Variants in RGS22 observed in about 807,000 individuals in gnomAD.
The protein encoded by RGS22 is regulator of G-protein signaling 22.
Under a neutral mutation model 172.9 loss-of-function variants are expected in RGS22, and 148 were observed. The ratio of observed to expected loss-of-function variants is 0.86; its 90% CI spans 0.75 to 0.98. The LOEUF (loss-of-function observed/expected upper bound fraction) is 0.98. Ranked by LOEUF, RGS22 falls within the 50% of genes least tolerant of loss-of-function variation. The pLI is 0.00. For synonymous variants in RGS22, 458 were observed against 480.2 expected, an observed-to-expected ratio of 0.95 and a Z score of 0.60; for missense variants, 1,347 against 1,440.8, an observed-to-expected ratio of 0.93 and a Z score of 1.05.
At chr8:100,013,079 T>G (rs1816580900) in intron 14 of RGS22, among the ~76,000 whole-genome samples, 3 of 146,150 alleles carry the variant, frequency 2.1e-5, no homozygotes, top group African/African-American at 7.6e-5. Context: ...AAGCTCCGCC[T>G]CTTGGGTTCA....
chr8:100,098,531 T>C (rs1318034306), intron 2 of RGS22, among the ~76,000 whole-genome samples: 1 of 152,178 alleles, frequency 6.6e-6, no homozygotes, highest in East Asian at 1.9e-4. Flanking sequence ...TATATTTTCT[T>C]AGAAACAAAG....
intron 2 of RGS22, among the ~76,000 whole-genome samples, chr8:100,103,072 C>A (rs905936433): frequency 8.5e-5 from 13 of 152,136 alleles, no homozygotes; most frequent in South Asian, 4.2e-4. Flanking sequence ...AATAAAAGCT[C>A]TGAGCAAGCC....
chr8:100,056,641 C>G (rs184864926), intron 9 of RGS22, among the ~76,000 whole-genome samples: 31 of 152,222 alleles, frequency 2.0e-4, no homozygotes, highest in African/African-American at 7.2e-4. Context: ...GGTGCAAGTC[C>G]CTCTGAAGCC....
intron 14 of RGS22, among the ~76,000 whole-genome samples, chr8:100,025,323 C>T (rs914151136): frequency 2.0e-5 from 3 of 152,182 alleles, no homozygotes; most frequent in Admixed American, 6.5e-5. Context: ...GTAACAAAAA[C>T]AAATAATGTA....
intron 14 of RGS22, 75 bp from the exon 15 acceptor site, chr8:100,008,644 A>AT: frequency 1.7e-6 from 2 of 1,164,314 alleles, no homozygotes; most frequent in South Asian, 3.3e-5. Flanking sequence ...CAACATAGGC[A>AT]TTTTTTAAAA....
At chr8:100,030,041 GA>G (rs2131529231) in intron 14 of RGS22, among the ~76,000 whole-genome samples, 1 of 152,288 alleles carries the variant, frequency 6.6e-6, no homozygotes, top group African/African-American at 2.4e-5. Flanking sequence ...TTCAAAGGTG[GA>G]AAAACCTGAA....
chr8:99,987,060 C>A (rs551049452), intron 21 of RGS22, among the ~76,000 whole-genome samples: 21 of 152,156 alleles, frequency 1.4e-4, no homozygotes, highest in African/African-American at 4.1e-4. Context: ...ATTTTGGATT[C>A]TTTTTTGGTT....
chr8:100,093,447 T>C lies in RGS22; in HGVS notation c.117A>G (p.Pro39=). The change falls in exon 3 of 28, where the codon CCA becomes CCG. Residue 39 remains proline (P), a splice_region_variant and synonymous_variant. Transcript: ENST00000360863. ...CAATAGATCATAATAATAAACTCAC[T>C]GGAAGGCTTAGGAATTCATTAAAGT... is the stretch of plus-strand genomic sequence containing the variant. ...VDYFNEFLSL[P]TFSEAIRFNA... 6.4e-7 allele frequency: 1 copy of C among 1,560,474 alleles called. No homozygotes were observed. The highest frequency in any genetic ancestry group is 8.8e-7 in the Non-Finnish European group (1 of 1,138,182).
intron 10 of RGS22, among the ~76,000 whole-genome samples, chr8:100,050,074 G>C (rs975940156): frequency 6.7e-6 from 1 of 148,190 alleles, no homozygotes; most frequent in Non-Finnish European, 1.5e-5. Context: ...AGGAAAAAAA[G>C]AAAAGCAAAT....
chr8:100,001,202 T>TTATATATATATATATACACA (rs1554611097), intron 18 of RGS22, among the ~76,000 whole-genome samples: 28 of 124,778 alleles, frequency 2.2e-4, no homozygotes, highest in Non-Finnish European at 3.7e-4. Context: ...TCCCAATTTT[T>TTATATATATATATATACACA]TATATATATA....
At chr8:100,050,253 T>C (rs931429899) in intron 10 of RGS22, among the ~76,000 whole-genome samples, 1 of 152,124 alleles carries the variant, frequency 6.6e-6, no homozygotes, top group Non-Finnish European at 1.5e-5. Context: ...TCTTAATAAG[T>C]TGCAGGTTCT....
chr8:100,069,138 A>T (rs1051284370), intron 6 of RGS22, among the ~76,000 whole-genome samples: 6 of 152,234 alleles, frequency 3.9e-5, no homozygotes, highest in Non-Finnish European at 8.8e-5. Flanking sequence ...AAGTTCAAGT[A>T]ACCTTAGCCT....
intron 5 of RGS22, among the ~76,000 whole-genome samples, chr8:100,071,823 C>T (rs185161576): frequency 9.4e-4 from 143 of 152,332 alleles, no homozygotes; most frequent in African/African-American, 3.3e-3. Context: ...CTCTGGACTA[C>T]GGCATTCTAT....
chr8:100,039,836 G>T (rs1819919444), intron 13 of RGS22, 126 bp downstream of exon 13: 2 of 507,952 alleles, frequency 3.9e-6, no homozygotes, highest in African/African-American at 2.0e-5. Flanking sequence ...TATTAAATAT[G>T]AATTTTCTTA....
At chr8:99,961,243 A>G (rs1450327199) in intron 27 of RGS22, 47 bp from the exon 28 acceptor site, 4 of 437,800 alleles carry the variant, frequency 9.1e-6, no homozygotes, top group Non-Finnish European at 1.8e-5. Context: ...TCTATAGAAA[A>G]TATAAATACA....
In RGS22 at chr8:100,018,966, ATTGTTT is replaced by A. The variant is rs1372124403; in HGVS notation, c.2167-10403_2167-10398del. On this transcript the variant is annotated intron_variant, in intron 14 of 27. Coordinates refer to ENST00000360863, the MANE Select transcript of RGS22 (RefSeq NM_015668.5). The stretch of plus-strand genomic sequence containing the variant: ...TGAAAATTGTGTGTTTATTGAATTT[ATTGTTT>A]TTAACAATGTCAAAAGCAAAAAAAA... Among the ~76,000 whole-genome samples the A allele has an allele frequency of 2.1e-5, 3 of 140,916 alleles. No individual in the cohort carries two copies. The Admixed American group carries it at 2.3e-4, about 11-fold the overall frequency. The allele number at this position is 140,916 out of a possible 152,430, so 92.4% of individuals were successfully genotyped here.
chr8:100,036,572 A>C (rs1404928490), intron 14 of RGS22, among the ~76,000 whole-genome samples: 2 of 152,182 alleles, frequency 1.3e-5, no homozygotes, highest in Admixed American at 6.5e-5. Context: ...AGAAACTTGA[A>C]AACAATATAA....
rs1812604324 is a variant in RGS22, at chr8:99,981,984, T to C, written c.3313A>G (p.Ile1105Val). 2 of 1,613,970 alleles carry C rather than the reference T, an allele frequency of 1.2e-6. No individual in the cohort carries two copies. Among genetic ancestry groups the C allele is most frequent in the African/African-American group, 2.7e-5 (2 of 74,944 alleles). ...GGTCCTAACTCCTTCCGGTGTTCAA[T>C]AATCTTCTGGGCTTGCTCTACTGGA... ...DIPVEQAQKIIEHRKELGPYV... is the reference protein window; with the variant it reads ...DIPVEQAQKIVEHRKELGPYV... Residue 1105 changes from isoleucine (I) to valine (V), a missense_variant, in exon 22 of 28, where the codon ATT (isoleucine) becomes GTT (valine). Coordinates refer to ENST00000360863, the MANE Select transcript of RGS22 (RefSeq NM_015668.5).
chr8:100,085,455 A>C (rs536771278), intron 3 of RGS22, among the ~76,000 whole-genome samples: 1 of 152,316 alleles, frequency 6.6e-6, no homozygotes, highest in South Asian at 2.1e-4. Flanking sequence ...AGGGATATGA[A>C]AGTCAGCACA....
Sources: allele counts gnomAD v4.1 joint callset (sites outside exome capture counted in the v4.1 genomes callset), GRCh38; gene constraint gnomAD v4.1.1; transcripts MANE v1.5; gene names NCBI Gene and HGNC (gene_info 2026-07-23, HGNC 2026-07-21).